The following MS4A18 variants were observed in gnomAD, a reference collection of about 807,000 sequenced individuals.
MS4A18 encodes the protein membrane-spanning 4-domains subfamily A member 18.
MS4A18 carries 27 observed loss-of-function variants against 13.1 expected under a neutral mutation model. The observed-to-expected ratio is 2.06, with a 90% CI of 1.52 to 2.84. The LOEUF (loss-of-function observed/expected upper bound fraction) is 2.84. Among genes scored for constraint, MS4A18 ranks in the 30% most tolerant of loss-of-function variants. The pLI, the probability that MS4A18 is intolerant of heterozygous loss-of-function variation, is 0.00. For synonymous variants in MS4A18, 126 were observed against 76.5 expected (o/e 1.65, Z -3.38); for missense variants, 307 against 196.4 (o/e 1.56, Z -3.37).
chr11:60,728,577 G>C (rs1853202166), upstream of MS4A18, among the ~76,000 whole-genome samples: 1 of 151,424 alleles, frequency 6.6e-6, no homozygotes, highest in South Asian at 2.1e-4. Flanking sequence ...GTGTGTGAGT[G>C]TGTGTCTGTC....
intron 4 of MS4A18, 33 bp downstream of exon 5, chr11:60,739,030 CA>C: frequency 1.4e-6 from 1 of 701,936 alleles, no homozygotes; most frequent in Non-Finnish European, 2.6e-6. Flanking sequence ...CCCGTGCTGC[CA>C]AAGGACCAGG....
At chr11:60,729,020 G>A (rs1300835762), upstream of MS4A18, among the ~76,000 whole-genome samples, 1 of 152,194 alleles carries the variant, frequency 6.6e-6, no homozygotes, top group Admixed American at 6.5e-5. Context: ...AAGGCATGCA[G>A]ATTAAAATGC....
upstream of MS4A18, among the ~76,000 whole-genome samples, chr11:60,728,145 C>A (rs1853191531): frequency 6.6e-6 from 1 of 152,192 alleles, no homozygotes; most frequent in Admixed American, 6.5e-5. Context: ...TGATCATTCC[C>A]AGGCCACTTG....
intron 2 of MS4A18, among the ~76,000 whole-genome samples, chr11:60,734,167 G>A (rs1245695218): frequency 6.6e-6 from 1 of 152,006 alleles, no homozygotes; most frequent in Non-Finnish European, 1.5e-5. Flanking sequence ...GAGGTGGAAG[G>A]ATCACCTGAG....
exon 6 of MS4A18, chr11:60,743,833 C>T: frequency 2.8e-6 from 2 of 703,176 alleles, no homozygotes; most frequent in South Asian, 3.0e-5. Context: ...CACCACCAGC[C>T]CTGTCAATGT....
chr11:60,732,647 C>T (rs6591621), intron 1 of MS4A18, among the ~76,000 whole-genome samples: 5,073 of 149,610 alleles, frequency 0.034, 273 homozygotes, highest in African/African-American at 0.12. Flanking sequence ...AGGAGAATCA[C>T]GTGAACCTGG....
chr11:60,726,727 ATTT>A (rs1328725108), upstream of MS4A18, among the ~76,000 whole-genome samples: 11 of 144,558 alleles, frequency 7.6e-5, no homozygotes, highest in African/African-American at 2.8e-4. Context: ...CTTTTATTTT[ATTT>A]TATTTTATTT....
chr11:60,744,521 A>G (rs555546953), downstream of MS4A18, among the ~76,000 whole-genome samples: 7 of 152,358 alleles, frequency 4.6e-5, no homozygotes, highest in East Asian at 3.9e-4. Flanking sequence ...AAAAAAATCA[A>G]TAAGTTGGAC....
intron 2 of MS4A18, among the ~76,000 whole-genome samples, chr11:60,735,246 C>G (rs924791156): frequency 3.3e-5 from 5 of 152,174 alleles, no homozygotes; most frequent in African/African-American, 1.2e-4. Flanking sequence ...AAAAACAAAG[C>G]ATCACACGTG....
At chr11:60,740,613 A>C (rs1350066463) in intron 4 of MS4A18, among the ~76,000 whole-genome samples, 1 of 152,222 alleles carries the variant, frequency 6.6e-6, no homozygotes, top group East Asian at 1.9e-4. Flanking sequence ...GGTTCCTCCC[A>C]GGAGCAGAAT....
At chr11:60,733,462 G>A in intron 1 of MS4A18, 72 bp from the exon 3 acceptor site, 1 of 700,516 alleles carries the variant, frequency 1.4e-6, no homozygotes, top group African/African-American at 1.7e-5. Context: ...GCACAGCCAG[G>A]GTGCAAAGCA....
intron 1 of MS4A18, among the ~76,000 whole-genome samples, chr11:60,731,785 T>TTAAC (rs1853256685): frequency 1.3e-5 from 2 of 152,252 alleles, no homozygotes; most frequent in Non-Finnish European, 2.9e-5. Flanking sequence ...ACAATTCTAA[T>TTAAC]GTTAGTTCTG....
chr11:60,735,660 G>GTTT (rs1853327336), intron 2 of MS4A18, among the ~76,000 whole-genome samples: 2 of 108,860 alleles, frequency 1.8e-5, no homozygotes, highest in African/African-American at 4.1e-5. Context: ...TCATTCCCTT[G>GTTT]CTTTTTTTTT....
chr11:60,740,197 T>G (rs770829854), intron 4 of MS4A18, among the ~76,000 whole-genome samples: 22 of 152,206 alleles, frequency 1.4e-4, no homozygotes, highest in Non-Finnish European at 2.6e-4. Flanking sequence ...AGGAGCATAC[T>G]AGTGCAGTGT....
At chr11:60,740,921 G>C in intron 4 of MS4A18, 109 bp from the exon 6 acceptor site, 1 of 682,132 alleles carries the variant, frequency 1.5e-6, no homozygotes, top group Non-Finnish European at 2.7e-6. Flanking sequence ...GCCACATGCA[G>C]AGAGGGTCTC....
intron 4 of MS4A18, among the ~76,000 whole-genome samples, chr11:60,740,092 C>T (rs1206872909): frequency 3.3e-5 from 5 of 152,154 alleles, no homozygotes; most frequent in Non-Finnish European, 7.4e-5. Flanking sequence ...ACAGGATGTC[C>T]CAACAAGGGA....
At position 60,735,894 on chromosome 11, in the gene MS4A18, T is replaced by G. The variant is rs187247462; in HGVS notation, c.592-1084T>G. Among the ~76,000 whole-genome samples, 243 of 144,078 alleles carry G rather than the reference T, an allele frequency of 1.7e-3. 4 individuals are homozygous for G. Among genetic ancestry groups the G allele is most frequent in the Non-Finnish European group, 3.1e-4 (20 of 65,406 alleles). 94.5% of individuals were successfully genotyped at this position (144,078 alleles called of 152,430 possible). On this transcript the variant is annotated intron_variant, in intron 2 of 5. Transcript: ENST00000529108. Reference sequence around the variant, plus strand: ...AGCCAGGCTGGTCTCAAACTCCTGGTCTCATAATCCACCCACCTCGGCCTC... The same window carrying G: ...AGCCAGGCTGGTCTCAAACTCCTGGGCTCATAATCCACCCACCTCGGCCTC...
intron 1 of MS4A18, among the ~76,000 whole-genome samples, chr11:60,731,621 G>A (rs1853254795): frequency 6.6e-6 from 1 of 152,160 alleles, no homozygotes; most frequent in Non-Finnish European, 1.5e-5. Flanking sequence ...TCTGTTTTTA[G>A]TAGTAGTATT....
At chr11:60,728,043 T>C (rs899628661), upstream of MS4A18, among the ~76,000 whole-genome samples, 2 of 152,166 alleles carry the variant, frequency 1.3e-5, no homozygotes, top group Non-Finnish European at 2.9e-5. Context: ...TGGACCATAA[T>C]GGTTTAAACA....
Sources: gnomAD v4.1 joint callset for allele counts (sites outside exome capture counted in the v4.1 genomes callset) on GRCh38, gnomAD v4.1.1 for gene constraint, MANE v1.5 for transcripts, NCBI Gene and HGNC (gene_info 2026-07-23, HGNC 2026-07-21) for gene names.